Variants in LRP1B observed in about 807,000 individuals in gnomAD.
The protein encoded by LRP1B is LDL receptor related protein 1B, also known as low-density lipoprotein receptor-related protein 1B.
A neutral mutation model predicts 556.6 loss-of-function variants in LRP1B; 217 were observed. That is an observed-to-expected ratio of 0.39 (90% confidence interval 0.35 to 0.44). The LOEUF (loss-of-function observed/expected upper bound fraction) is 0.44, where lower values mean the gene tolerates loss of function less well. LRP1B is among the 20% of genes least tolerant of loss of function. The probability of loss-of-function intolerance (pLI) is 1.00; values close to 1 mark genes in which losing one functional copy is unlikely to be tolerated. For synonymous variants in LRP1B, 2,047 were observed against 1,865.8 expected (o/e 1.10, Z -2.50); for missense variants, 5,053 against 5,620.8 (o/e 0.90, Z 3.23).
At chr2:141,307,367 C>T (rs976540984) in intron 3 of LRP1B, among the ~76,000 whole-genome samples, 17 of 151,688 alleles carry the variant, frequency 1.1e-4, no homozygotes, top group African/African-American at 4.1e-4. Context: ...TAATGAGCTT[C>T]TTTGTCTCTT....
chr2:140,977,655 C>G (rs1343681864), intron 18 of LRP1B, among the ~76,000 whole-genome samples: 1 of 151,890 alleles, frequency 6.6e-6, no homozygotes, highest in African/African-American at 2.4e-5. Flanking sequence ...TTTGCACTGA[C>G]CTAATAGAAA....
chr2:141,155,902 G>C (rs1481233822), intron 7 of LRP1B, among the ~76,000 whole-genome samples: 2 of 152,006 alleles, frequency 1.3e-5, no homozygotes, highest in Non-Finnish European at 2.9e-5. Flanking sequence ...CTTGTGTAAA[G>C]TAATTAAAAG....
intron 2 of LRP1B, among the ~76,000 whole-genome samples, chr2:141,772,973 T>C (rs1039371861): frequency 5.9e-5 from 9 of 152,012 alleles, no homozygotes; most frequent in African/African-American, 1.9e-4. Flanking sequence ...AAGACATCTC[T>C]GATGTAAATG....
At chr2:140,485,547 G>A in intron 58 of LRP1B, 23 bp from the exon 59 acceptor site, 1 of 1,581,566 alleles carries the variant, frequency 6.3e-7, no homozygotes, top group Admixed American at 1.8e-5. Context: ...AATTTAAAAG[G>A]TTAACAGCGT....
chr2:140,607,060 G>C (rs904032243), intron 41 of LRP1B, among the ~76,000 whole-genome samples: 1 of 151,966 alleles, frequency 6.6e-6, no homozygotes, highest in African/African-American at 2.4e-5. Flanking sequence ...CTTGTATCTT[G>C]AATAAATAAT....
intron 2 of LRP1B, among the ~76,000 whole-genome samples, chr2:141,571,260 T>C (rs1192309460): frequency 2.0e-5 from 3 of 149,632 alleles, no homozygotes; most frequent in African/African-American, 7.3e-5. Flanking sequence ...GGCACAGGAG[T>C]GAATCAGATG....
intron 84 of LRP1B, among the ~76,000 whole-genome samples, chr2:140,288,171 G>T (rs1407020759): frequency 6.8e-6 from 1 of 147,166 alleles, no homozygotes; most frequent in Non-Finnish European, 1.5e-5. Context: ...TTCCTTGACA[G>T]CTGACAATGA....
chr2:141,007,560 C>T (rs1697613078), intron 14 of LRP1B, among the ~76,000 whole-genome samples: 1 of 150,882 alleles, frequency 6.6e-6, no homozygotes, highest in South Asian at 2.1e-4. Context: ...TATTCCATGG[C>T]CATGGAATAA....
At chr2:140,497,924 A>G (rs1292647167) in intron 55 of LRP1B, among the ~76,000 whole-genome samples, 1 of 151,926 alleles carries the variant, frequency 6.6e-6, no homozygotes, top group Non-Finnish European at 1.5e-5. Context: ...AAATTTTTTA[A>G]AATTTTATTT....
chr2:140,746,522 T>C (rs897754664), intron 35 of LRP1B, among the ~76,000 whole-genome samples: 4 of 152,186 alleles, frequency 2.6e-5, no homozygotes, highest in African/African-American at 9.7e-5. Context: ...GACTCATAGT[T>C]GGAAAATTCC....
At chr2:140,563,583 C>T (rs976287884) in intron 43 of LRP1B, among the ~76,000 whole-genome samples, 13 of 152,166 alleles carry the variant, frequency 8.5e-5, no homozygotes, top group African/African-American at 2.9e-4. Context: ...TTTACACCTA[C>T]AGAACAATGT....
chr2:140,896,481 C>T (rs6714678), intron 23 of LRP1B, among the ~76,000 whole-genome samples: 90,405 of 151,854 alleles, frequency 0.6, 27,559 homozygotes, highest in East Asian at 0.83. Context: ...ATGGAACAAT[C>T]ATGGCTATAA....
Position 140,402,907 on chromosome 2 carries a change from T to G in LRP1B, c.10415-16898A>C, listed in dbSNP as rs369474306. Among the ~76,000 whole-genome samples, 8 of 152,278 alleles carry G rather than the reference T, an allele frequency of 5.3e-5. No homozygotes were observed. The South Asian group carries it at 1.0e-3, about 20-fold the overall frequency. ...CATACCACAGGAGAAGGAGATAAGC[T>G]TCAAGAGACCTCTGCCATTACAACT... On this transcript the variant is annotated intron_variant, in intron 66 of 90. Transcript: ENST00000389484.
intron 3 of LRP1B, among the ~76,000 whole-genome samples, chr2:141,400,797 C>A (rs1215948171): frequency 1.3e-5 from 2 of 152,132 alleles, no homozygotes; most frequent in Non-Finnish European, 2.9e-5. Context: ...CTTCCCTTTA[C>A]ACACAAATTA....
At chr2:140,265,520 A>G (rs1300630796) in intron 86 of LRP1B, among the ~76,000 whole-genome samples, 1 of 152,088 alleles carries the variant, frequency 6.6e-6, no homozygotes, top group Non-Finnish European at 1.5e-5. Flanking sequence ...TAACATTTCT[A>G]TGTGGAAAAA....
intron 3 of LRP1B, among the ~76,000 whole-genome samples, chr2:141,393,853 T>C (rs981339924): frequency 6.6e-6 from 1 of 152,196 alleles, no homozygotes; most frequent in Non-Finnish European, 1.5e-5. Context: ...GTGTGTGTTA[T>C]GTATTTTTGA....
chr2:141,221,861 G>A (rs925324274), intron 6 of LRP1B, among the ~76,000 whole-genome samples: 3 of 152,168 alleles, frequency 2.0e-5, no homozygotes, highest in African/African-American at 7.2e-5. Flanking sequence ...CAGAAATCAA[G>A]AATTTCTTTG....
intron 11 of LRP1B, among the ~76,000 whole-genome samples, chr2:141,031,251 TCACA>T (rs72098612): frequency 1.6e-5 from 2 of 121,558 alleles, no homozygotes; most frequent in Admixed American, 1.8e-4. Context: ...TATATACATA[TCACA>T]CACACACACA....
intron 1 of LRP1B, among the ~76,000 whole-genome samples, chr2:141,960,453 C>T (rs1701371229): frequency 6.6e-6 from 1 of 151,814 alleles, no homozygotes; most frequent in South Asian, 2.1e-4. Flanking sequence ...ATTCTCCTAA[C>T]AACATATTAT....
Sources: allele counts gnomAD v4.1 joint callset (sites outside exome capture counted in the v4.1 genomes callset), GRCh38; gene constraint gnomAD v4.1.1; transcripts MANE v1.5; gene names NCBI Gene and HGNC (gene_info 2026-07-23, HGNC 2026-07-21).